The following SQLE variants were observed in gnomAD, a reference collection of about 807,000 sequenced individuals.
The protein encoded by SQLE is squalene monooxygenase.
Under a neutral mutation model 60.7 loss-of-function variants are expected in SQLE, and 29 were observed. That is an observed-to-expected ratio of 0.48 (90% confidence interval 0.36 to 0.65). The LOEUF (loss-of-function observed/expected upper bound fraction) is 0.65. SQLE is among the 30% of genes least tolerant of loss of function. The probability of loss-of-function intolerance (pLI) is 0.00; values close to 1 mark genes in which losing one functional copy is unlikely to be tolerated. For synonymous variants in SQLE, 237 were observed against 246.8 expected (o/e 0.96, Z 0.37); for missense variants, 605 against 684.1 (o/e 0.88, Z 1.29).
intron 7 of SQLE, among the ~76,000 whole-genome samples, chr8:125,012,281 A>C (rs1052307423): frequency 1.3e-5 from 2 of 152,186 alleles, no homozygotes; most frequent in Non-Finnish European, 1.5e-5. Context: ...ATAATTCACA[A>C]ATCAGTTTGC....
At chr8:125,009,611 C>T (rs1563597885) in intron 6 of SQLE, among the ~76,000 whole-genome samples, 1 of 152,108 alleles carries the variant, frequency 6.6e-6, no homozygotes, top group Non-Finnish European at 1.5e-5. Context: ...GCCTGACCAA[C>T]ATGGAGAAAC....
intron 1 of SQLE, among the ~76,000 whole-genome samples, chr8:125,002,963 GA>G (rs1012810066): frequency 2.6e-5 from 4 of 152,038 alleles, no homozygotes; most frequent in African/African-American, 9.7e-5. Flanking sequence ...ATTTTATTGG[GA>G]TAATATGACA....
intron 2 of SQLE, among the ~76,000 whole-genome samples, chr8:125,004,711 A>G (rs911541653): frequency 3.3e-5 from 5 of 152,030 alleles, no homozygotes; most frequent in Admixed American, 2.0e-4. Context: ...TTTATTATAT[A>G]TACATGTATT....
chr8:125,011,483 TTTGAAA>T lies in SQLE; in HGVS notation c.1109-48_1109-43del. 4 of 1,399,286 alleles carry T rather than the reference TTTGAAA, an allele frequency of 2.9e-6. No individual in the cohort carries two copies. In the South Asian group the frequency reaches 3.8e-5, roughly 13 times the overall value. 86.7% of individuals were successfully genotyped at this position (1,399,286 alleles called of 1,614,324 possible). A position where few individuals can be genotyped will look rare whatever the true frequency, so the allele number is the denominator to read the frequency against. The stretch of plus-strand genomic sequence containing the variant: ...TACTTGATAAGAAAATATGTGATAC[TTTGAAA>T]TTGAAGTGTTATGACCCATTTCTTT... On this transcript the variant is annotated intron_variant, in intron 6 of 10. Transcript: ENST00000265896.
chr8:125,006,341 C>A (rs1462456079), intron 3 of SQLE, among the ~76,000 whole-genome samples: 1 of 152,118 alleles, frequency 6.6e-6, no homozygotes, highest in Non-Finnish European at 1.5e-5. Flanking sequence ...GAAAAATCGG[C>A]CAGGTGCGGT....
chr8:125,007,550 C>G, intron 4 of SQLE, 63 bp downstream of exon 4: 1 of 1,159,180 alleles, frequency 8.6e-7, no homozygotes, highest in Non-Finnish European at 1.2e-6. Context: ...TTTCACTTAC[C>G]CCTTTAAAAA....
Position 125,003,194 on chromosome 8 carries a change from A to G in SQLE, c.310A>G (p.Ile104Val), listed in dbSNP as rs781041736. The change falls in exon 2 of 11, where the codon ATT (isoleucine) becomes GTT (valine). Residue 104 changes from isoleucine (I) to valine (V), a missense_variant. Transcript: ENST00000265896. ...EARRRRKGTNISETSLIGTAA... is the reference protein window; with the variant it reads ...EARRRRKGTNVSETSLIGTAA... ...TAAACAGCGCAGAAAAGGAACCAAT[A>G]TTTCAGAAACAAGCTTAATAGGAAC... is the stretch of plus-strand genomic sequence containing the variant. 2.1e-5 allele frequency: 33 copies of G among 1,609,454 alleles called. 1 individual carries two copies. In the Admixed American group the frequency reaches 5.6e-4, roughly 27 times the overall value.
In SQLE at chr8:124,998,925, A is replaced by C. The variant is rs1814794556; in HGVS notation, c.-479A>C. ...TCCGGCCGCTGCTCGCCGTCGCCAG[A>C]GGCTAGGCCACGTTTCCCCCAGTGC... On this transcript the variant is annotated 5_prime_UTR_variant, in exon 1 of 11. Coordinates refer to ENST00000265896, the MANE Select transcript of SQLE (RefSeq NM_003129.4). 2.8e-6 allele frequency: 1 copy of C among 352,114 alleles called. No individual in the cohort carries two copies. The highest frequency in any genetic ancestry group is 2.1e-5 in the African/African-American group (1 of 47,418). 21.8% of individuals were successfully genotyped at this position (352,114 alleles called of 1,614,324 possible). A position where few individuals can be genotyped will look rare whatever the true frequency, so the allele number is the denominator to read the frequency against.
intron 1 of SQLE, among the ~76,000 whole-genome samples, chr8:125,002,971 GAC>G (rs1016050096): frequency 1.3e-4 from 20 of 152,074 alleles, no homozygotes; most frequent in African/African-American, 3.4e-4. Context: ...GGGATAATAT[GAC>G]ACACTTTTAT....
chr8:125,018,534 G>T, intron 8 of SQLE, 97 bp from the exon 9 acceptor site: 1 of 782,102 alleles, frequency 1.3e-6, no homozygotes, highest in Admixed American at 3.2e-5. Context: ...CTTGCAGATA[G>T]TCCTTAGAAG....
Position 125,021,831 on chromosome 8 carries a change from A to G in SQLE, c.1611A>G (p.Ser537=). The part of the protein sequence containing the change: ...AIYAVYFCFK[S]EPWITKPRAL... Reference sequence around the variant, plus strand: ...ATGCCGTGTATTTTTGCTTTAAGTCAGAACCTTGGATTACAAAACCTCGAG... The same window carrying G: ...ATGCCGTGTATTTTTGCTTTAAGTCGGAACCTTGGATTACAAAACCTCGAG... The change falls in exon 11 of 11, where the codon TCA becomes TCG. Residue 537 remains serine, a synonymous_variant. Coordinates refer to ENST00000265896, the MANE Select transcript of SQLE (RefSeq NM_003129.4). 6.2e-7 allele frequency: 1 copy of G among 1,610,398 alleles called. No individual in the cohort carries two copies. The highest frequency in any genetic ancestry group is 8.5e-7 in the Non-Finnish European group (1 of 1,178,070).
intron 5 of SQLE, 32 bp from the exon 6 acceptor site, chr8:125,009,140 T>C: frequency 6.4e-7 from 1 of 1,572,490 alleles, no homozygotes. Context: ...AATTTGAAAA[T>C]TATTAAAACA....
At chr8:125,020,956 C>T in intron 10 of SQLE, 85 bp downstream of exon 10, 2 of 897,662 alleles carry the variant, frequency 2.2e-6, no homozygotes, top group South Asian at 1.5e-5. Context: ...ATCTTTCTTC[C>T]TTACACATTT....
rs1197485611 is a variant in SQLE at position 125,022,176 on chromosome 8, T to C, written c.*231T>C. On this transcript the variant is annotated 3_prime_UTR_variant, in exon 11 of 11. Transcript: ENST00000265896. ...AAATAAGTTAGACATTTAAAAGAAA[T>C]GATTGTTACCATAAATTAGTGCTAA... The C allele has an allele frequency of 3.3e-6, 1 of 304,662 alleles. No individual in the cohort carries two copies. Among genetic ancestry groups the C allele is most frequent in the Non-Finnish European group, 6.0e-6 (1 of 167,504 alleles). The allele number at this position is 304,662 out of a possible 1,614,324, so 18.9% of individuals were successfully genotyped here. A position where few individuals can be genotyped will look rare whatever the true frequency, so the allele number is the denominator to read the frequency against.
At chr8:125,019,313 A>G (rs1295525146) in intron 9 of SQLE, among the ~76,000 whole-genome samples, 1 of 151,802 alleles carries the variant, frequency 6.6e-6, no homozygotes, top group Non-Finnish European at 1.5e-5. Context: ...GGCCAGGCGA[A>G]ATGATTCATG....
intron 3 of SQLE, 51 bp downstream of exon 3, chr8:125,005,756 A>G (rs944642906): frequency 9.2e-6 from 13 of 1,411,784 alleles, no homozygotes; most frequent in Non-Finnish European, 1.2e-5. Context: ...ATGCATTTAA[A>G]TTTGACCTTT....
At chr8:125,003,939 C>T (rs1232315919) in intron 2 of SQLE, among the ~76,000 whole-genome samples, 1 of 151,864 alleles carries the variant, frequency 6.6e-6, no homozygotes, top group Non-Finnish European at 1.5e-5. Context: ...AGAAGCAAGC[C>T]CTCCCCTGTC....
Position 124,998,758 on chromosome 8 carries a change from G to A in SQLE, c.-646G>A. ...CTTTAGGTTGGGGCTGCATTGCCCT[G>A]GAGCCGCACTCTTGAGTCCGAGGCC... On this transcript the variant is annotated 5_prime_UTR_variant, in exon 1 of 11. Transcript: ENST00000265896. 1 of 526,308 alleles carries A rather than the reference G, an allele frequency of 1.9e-6. No individual in the cohort carries two copies. Among genetic ancestry groups the A allele is most frequent in the Non-Finnish European group, 3.4e-6 (1 of 295,512 alleles). 32.6% of individuals were successfully genotyped at this position (526,308 alleles called of 1,614,324 possible).
rs182460913 is a variant in SQLE at position 125,018,129 on chromosome 8, T to A, written c.1275T>A (p.Phe425Leu). ...PLTGGGMTVAFKDIKLWRKLL... is the reference protein window; with the variant it reads ...PLTGGGMTVALKDIKLWRKLL... ...CTGGTGGAGGAATGACTGTTGCTTT[T>A]AAAGATATAAAACTATGGAGAAAAC... The change falls in exon 8 of 11, where the codon TTT (phenylalanine) becomes TTA (leucine). Residue 425 changes from phenylalanine (F) to leucine (L), a missense_variant. Transcript: ENST00000265896. 5.6e-6 allele frequency: 9 copies of A among 1,613,916 alleles called. No homozygotes were observed. In the East Asian group the frequency reaches 2.0e-4, roughly 36 times the overall value.
Sources: allele counts gnomAD v4.1 joint callset (sites outside exome capture counted in the v4.1 genomes callset), GRCh38; gene constraint gnomAD v4.1.1; transcripts MANE v1.5; gene names NCBI Gene and HGNC (gene_info 2026-07-23, HGNC 2026-07-21).